VTI1A: variants seen among roughly 807,000 people sequenced by gnomAD.
VTI1A encodes vesicle transport through interaction with t-SNAREs 1A.
In VTI1A, 22 loss-of-function variants were observed where a neutral mutation model predicts 34.9. The observed-to-expected ratio is 0.63, with a 90% CI of 0.45 to 0.90. VTI1A has a LOEUF of 0.90. VTI1A is among the 40% of genes least tolerant of loss of function. The pLI is 0.00. For synonymous variants in VTI1A, 87 were observed against 97.3 expected (o/e 0.89, Z 0.62); for missense variants, 268 against 275.6 (o/e 0.97, Z 0.20).
At chr10:112,495,379 A>G (rs917957564) in intron 3 of VTI1A, among the ~76,000 whole-genome samples, 2 of 152,116 alleles carry the variant, frequency 1.3e-5, no homozygotes, top group African/African-American at 4.8e-5. Flanking sequence ...GGGATTCTTT[A>G]ATTCAATCTG....
chr10:112,447,409 C>T lies in VTI1A; in HGVS notation c.36C>T (p.Phe12=). 1 of 1,613,716 alleles carries T rather than the reference C, an allele frequency of 6.2e-7. No homozygotes were observed. The highest frequency in any genetic ancestry group is 1.7e-5 in the Admixed American group (1 of 60,028). ...ACTTCGAAGGTTACGAGCAGGACTT[C>T]GCGGTGCTCACTGCAGAGATCACCA... ...SSDFEGYEQD[F]AVLTAEITSK... The change falls in exon 1 of 8, where the codon TTC becomes TTT. Residue 12 remains phenylalanine, a synonymous_variant. Coordinates refer to ENST00000393077, the MANE Select transcript of VTI1A (RefSeq NM_145206.4).
chr10:112,774,836 C>CAAG (rs1851912213), intron 7 of VTI1A, among the ~76,000 whole-genome samples: 1 of 152,082 alleles, frequency 6.6e-6, no homozygotes, highest in Non-Finnish European at 1.5e-5. Flanking sequence ...CGGAGAAGCC[C>CAAG]CCCTCCTGAG....
At chr10:112,743,905 A>C (rs1850788948) in intron 7 of VTI1A, among the ~76,000 whole-genome samples, 1 of 152,216 alleles carries the variant, frequency 6.6e-6, no homozygotes, top group African/African-American at 2.4e-5. Flanking sequence ...AATACAGTGA[A>C]GCCCCTGTTC....
At chr10:112,830,849 A>ATATATATATATATATATTTTTTTTTTTTT in the VTI1A span, among the ~76,000 whole-genome samples, 5 of 33,496 alleles carry the variant, frequency 1.5e-4, no homozygotes, top group African/African-American at 7.2e-4. Context: ...ATATATATAT[A>ATATATATATATATATATTTTTTTTTTTTT]TTTTTTTTTT....
chr10:112,593,898 G>T (rs990078535), intron 5 of VTI1A, among the ~76,000 whole-genome samples: 7 of 77,808 alleles, frequency 9.0e-5, no homozygotes, highest in Admixed American at 2.8e-4. Context: ...CACCACGCCC[G>T]GCTAATTTTT....
chr10:112,719,548 C>G (rs963020026), intron 7 of VTI1A, among the ~76,000 whole-genome samples: 28 of 144,528 alleles, frequency 1.9e-4, no homozygotes, highest in Non-Finnish European at 2.0e-4. Flanking sequence ...AATTGTAGAA[C>G]TTTTTTTTTT....
chr10:112,591,933 G>A (rs1844405564), intron 5 of VTI1A, among the ~76,000 whole-genome samples: 1 of 152,174 alleles, frequency 6.6e-6, no homozygotes, highest in Non-Finnish European at 1.5e-5. Context: ...TTTCTGTGTT[G>A]GAGGCAGAAG....
the VTI1A span, chr10:112,831,310 G>A: frequency 6.6e-6 from 1 of 152,256 alleles, no homozygotes; most frequent in Non-Finnish European, 1.5e-5. Context: ...CATGGTGTGG[G>A]AGAGAAGACA....
At chr10:112,627,675 A>G (rs1044241250) in intron 5 of VTI1A, among the ~76,000 whole-genome samples, 2 of 152,214 alleles carry the variant, frequency 1.3e-5, no homozygotes, top group African/African-American at 4.8e-5. Flanking sequence ...TCATATTTAC[A>G]TTTATAATGA....
intron 5 of VTI1A, among the ~76,000 whole-genome samples, chr10:112,665,143 A>C (rs1847595783): frequency 6.6e-6 from 1 of 152,188 alleles, no homozygotes; most frequent in Non-Finnish European, 1.5e-5. Flanking sequence ...GAATGCTTAC[A>C]TCTTCAGTTA....
chr10:112,566,474 C>G (rs982025244), intron 5 of VTI1A, among the ~76,000 whole-genome samples: 8 of 152,178 alleles, frequency 5.3e-5, no homozygotes, highest in Non-Finnish European at 8.8e-5. Flanking sequence ...ATTTAAACGT[C>G]CTTCTTTGAT....
chr10:112,695,140 G>A (rs1289699366), intron 7 of VTI1A, among the ~76,000 whole-genome samples: 1 of 152,160 alleles, frequency 6.6e-6, no homozygotes, highest in Non-Finnish European at 1.5e-5. Flanking sequence ...AAAAGTTCAA[G>A]TTTAGAGAAA....
chr10:112,796,339 A>G (rs1852671994), intron 7 of VTI1A, among the ~76,000 whole-genome samples: 2 of 151,516 alleles, frequency 1.3e-5, no homozygotes, highest in Admixed American at 1.3e-4. Context: ...TCCAGAGGCC[A>G]AGGTTGCAGT....
chr10:112,483,122 T>A (rs945515624), intron 3 of VTI1A, among the ~76,000 whole-genome samples: 1 of 152,178 alleles, frequency 6.6e-6, no homozygotes, highest in African/African-American at 2.4e-5. Context: ...AGTTTGTTGG[T>A]GCTCAAGCAA....
At chr10:112,599,698 A>T (rs564865364) in intron 5 of VTI1A, among the ~76,000 whole-genome samples, 1 of 152,076 alleles carries the variant, frequency 6.6e-6, no homozygotes, top group African/African-American at 2.4e-5. Context: ...TCCTGCCTCA[A>T]ATTTCTGAGT....
intron 7 of VTI1A, among the ~76,000 whole-genome samples, chr10:112,815,082 G>A (rs1041874785): frequency 6.6e-6 from 1 of 151,224 alleles, no homozygotes; most frequent in Non-Finnish European, 1.5e-5. Context: ...GGAGCCTTTC[G>A]TTTCCTCGTG....
chr10:112,728,464 A>G (rs1175722259), intron 7 of VTI1A, among the ~76,000 whole-genome samples: 1 of 152,202 alleles, frequency 6.6e-6, no homozygotes, highest in Non-Finnish European at 1.5e-5. Context: ...TGCATGGGAC[A>G]TTGAAGGGAT....
chr10:112,464,646 G>A lies in VTI1A; in HGVS notation c.253G>A (p.Glu85Lys), dbSNP rs368328557. ...CTACAAACAAGAAATGGGAAAACTC[G>A]AAACAGATTTTGTGAGTCAAATTCG... ...RSYKQEMGKL[E>K]TDFKRSRIAY... Residue 85 changes from glutamate (E) to lysine (K), a missense_variant, in exon 3 of 8, where the codon GAA becomes AAA. Coordinates refer to ENST00000393077, the MANE Select transcript of VTI1A (RefSeq NM_145206.4). The A allele has an allele frequency of 5.8e-5, 93 of 1,610,620 alleles. 1 individual carries two copies. The highest frequency in any genetic ancestry group is 7.6e-5 in the Non-Finnish European group (89 of 1,178,120).
In VTI1A at chr10:112,552,948, C is replaced by T. The variant is rs1395362193; in HGVS notation, c.427+14618C>T. Among the ~76,000 whole-genome samples, 10 of 152,188 alleles carry T rather than the reference C, an allele frequency of 6.6e-5. No individual in the cohort carries two copies. In the East Asian group the frequency reaches 1.7e-3, roughly 26 times the overall value. Reference sequence around the variant, plus strand: ...AAATTAAACACTGTAAGATTATCAGCAGGTTACAAAGGTGTAGTGTATCTC... The same window carrying T: ...AAATTAAACACTGTAAGATTATCAGTAGGTTACAAAGGTGTAGTGTATCTC... On this transcript the variant is annotated intron_variant, in intron 5 of 7. Transcript: ENST00000393077.
Sources: gnomAD v4.1 joint callset for allele counts (sites outside exome capture counted in the v4.1 genomes callset) on GRCh38, gnomAD v4.1.1 for gene constraint, MANE v1.5 for transcripts, NCBI Gene and HGNC (gene_info 2026-07-23, HGNC 2026-07-21) for gene names.